The following RASGRF2 variants were observed in gnomAD, a reference collection of about 807,000 sequenced individuals.
The protein encoded by RASGRF2 is Ras protein specific guanine nucleotide releasing factor 2, also known as ras-specific guanine nucleotide-releasing factor 2.
In RASGRF2, 76 loss-of-function variants were observed where a neutral mutation model predicts 151.0. The ratio of observed to expected loss-of-function variants is 0.50; its 90% CI spans 0.42 to 0.61. The LOEUF is 0.61. Ranked by LOEUF, RASGRF2 falls within the 20% of genes least tolerant of loss-of-function variation. The pLI is 0.00. For synonymous variants in RASGRF2, 504 were observed against 566.5 expected (o/e 0.89, Z 1.57); for missense variants, 1,148 against 1,564.6 (o/e 0.73, Z 4.49).
intron 1 of RASGRF2, among the ~76,000 whole-genome samples, chr5:81,003,056 G>A (rs12153143): frequency 0.17 from 26,162 of 151,860 alleles, 2,292 homozygotes; most frequent in South Asian, 0.21. Context: ...ATCACAAAGA[G>A]ACTATTTTTT....
intron 1 of RASGRF2, among the ~76,000 whole-genome samples, chr5:80,986,048 T>G (rs1748463492): frequency 6.6e-6 from 1 of 152,160 alleles, no homozygotes; most frequent in African/African-American, 2.4e-5. Context: ...TTTATTATAG[T>G]AGTTAACAGG....
intron 1 of RASGRF2, among the ~76,000 whole-genome samples, chr5:81,004,059 C>T (rs1749183971): frequency 6.6e-6 from 1 of 152,212 alleles, no homozygotes; most frequent in Admixed American, 6.5e-5. Context: ...CTCTTGAAAG[C>T]AGGGTCCCTG....
At chr5:81,220,466 A>G (rs759452080) in intron 26 of RASGRF2, among the ~76,000 whole-genome samples, 111 of 152,210 alleles carry the variant, frequency 7.3e-4, no homozygotes, top group Non-Finnish European at 1.3e-3. Flanking sequence ...GTTTGACTTA[A>G]TGAGCCCATA....
intron 1 of RASGRF2, among the ~76,000 whole-genome samples, chr5:80,994,365 C>CAAA (rs11411890): frequency 8.7e-5 from 10 of 115,314 alleles, no homozygotes; most frequent in African/African-American, 1.7e-4. Flanking sequence ...CACTCTGTCT[C>CAAA]AAAAAAAAAA....
chr5:81,200,272 T>TAAA (rs559961232), intron 18 of RASGRF2, among the ~76,000 whole-genome samples: 5 of 138,304 alleles, frequency 3.6e-5, no homozygotes, highest in South Asian at 2.3e-4. Context: ...CCCTGTGATT[T>TAAA]AAAAAAAAAA....
At chr5:81,222,133 C>T (rs191530219) in intron 26 of RASGRF2, among the ~76,000 whole-genome samples, 1 of 152,220 alleles carries the variant, frequency 6.6e-6, no homozygotes, top group African/African-American at 2.4e-5. Context: ...GATATGCTTG[C>T]GTTATGGAGG....
chr5:81,112,482 ATC>A, intron 13 of RASGRF2, 126 bp from the exon 14 acceptor site: 1 of 1,238,256 alleles, frequency 8.1e-7, no homozygotes, highest in East Asian at 2.3e-5. Flanking sequence ...CTGTGCAATT[ATC>A]TCTCTCCTAT....
At chr5:81,010,949 A>G (rs1259288136) in intron 1 of RASGRF2, among the ~76,000 whole-genome samples, 2 of 152,186 alleles carry the variant, frequency 1.3e-5, no homozygotes, top group Admixed American at 1.3e-4. Flanking sequence ...TCACATTGCT[A>G]TGTTGCAGCA....
At chr5:81,081,178 G>A (rs1016517223) in intron 7 of RASGRF2, among the ~76,000 whole-genome samples, 1 of 152,174 alleles carries the variant, frequency 6.6e-6, no homozygotes, top group African/African-American at 2.4e-5. Flanking sequence ...TTGCATAAAA[G>A]ATTCTTGGGG....
chr5:81,006,523 T>A (rs149461998), intron 1 of RASGRF2, among the ~76,000 whole-genome samples: 15 of 152,336 alleles, frequency 9.8e-5, no homozygotes, highest in African/African-American at 3.4e-4. Flanking sequence ...TGTCAGAATC[T>A]AATAGTTCCA....
chr5:80,980,590 C>T (rs11743370), intron 1 of RASGRF2, among the ~76,000 whole-genome samples: 41,238 of 151,996 alleles, frequency 0.27, 5,982 homozygotes, highest in Middle Eastern at 0.43. Flanking sequence ...TGCAGTGAAC[C>T]GAGATCGTGC....
At chr5:81,054,012 A>G (rs1751112907) in intron 2 of RASGRF2, among the ~76,000 whole-genome samples, 1 of 152,266 alleles carries the variant, frequency 6.6e-6, no homozygotes, top group South Asian at 2.1e-4. Context: ...TTCTTTGTAG[A>G]TTCTGGATAT....
rs1561544188 is a variant in RASGRF2, at chr5:80,995,695, T to TCCCC, written c.288+34669_288+34670insCCCC. On this transcript the variant is annotated intron_variant, in intron 1 of 26. Coordinates refer to ENST00000265080, the MANE Select transcript of RASGRF2 (RefSeq NM_006909.3). ...TTCTTTCCTTTCCTTCCCCCCCCCT[T>TCCCC]TTTTTTTTTTTTTTTGAGATGGAGT... is the stretch of plus-strand genomic sequence containing the variant. 1.1e-3 allele frequency among the ~76,000 whole-genome samples: 82 copies of TCCCC among 75,116 alleles called. 2 individuals are homozygous for TCCCC. The highest frequency in any genetic ancestry group is 3.3e-3 in the African/African-American group (63 of 19,304). The allele number at this position is 75,116 out of a possible 152,430, so 49.3% of individuals were successfully genotyped here.
At chr5:81,155,702 A>T (rs901809637) in intron 17 of RASGRF2, among the ~76,000 whole-genome samples, 3 of 152,170 alleles carry the variant, frequency 2.0e-5, no homozygotes, top group Non-Finnish European at 2.9e-5. Context: ...AGAAGCACTG[A>T]ACGCTAGGGT....
chr5:80,979,520 G>C (rs1748231895), intron 1 of RASGRF2, among the ~76,000 whole-genome samples: 1 of 152,120 alleles, frequency 6.6e-6, no homozygotes, highest in Non-Finnish European at 1.5e-5. Context: ...CTGAAATTAA[G>C]TTGTGTTTTC....
chr5:81,207,857 G>A (rs17294084), intron 21 of RASGRF2, among the ~76,000 whole-genome samples: 15,597 of 152,204 alleles, frequency 0.1, 981 homozygotes, highest in Admixed American at 0.22. Flanking sequence ...AGAACAAAAC[G>A]CAATCCCTGC....
At chr5:81,111,095 T>C (rs948844763) in intron 13 of RASGRF2, among the ~76,000 whole-genome samples, 2 of 152,190 alleles carry the variant, frequency 1.3e-5, no homozygotes, top group African/African-American at 4.8e-5. Flanking sequence ...AAAATAGATA[T>C]ATAATTTCAA....
chr5:80,973,611 A>G (rs541168827), intron 1 of RASGRF2, among the ~76,000 whole-genome samples: 1 of 152,312 alleles, frequency 6.6e-6, no homozygotes, highest in East Asian at 1.9e-4. Context: ...TGGGGGTGCT[A>G]TGAGGGAAAG....
intron 1 of RASGRF2, among the ~76,000 whole-genome samples, chr5:80,989,898 G>T (rs532308864): frequency 6.6e-6 from 1 of 152,258 alleles, no homozygotes; most frequent in East Asian, 1.9e-4. Context: ...AGGTGAGAGG[G>T]ATGGTGAGCC....
Sources: gnomAD v4.1 joint callset for allele counts (sites outside exome capture counted in the v4.1 genomes callset) on GRCh38, gnomAD v4.1.1 for gene constraint, MANE v1.5 for transcripts, NCBI Gene and HGNC (gene_info 2026-07-23, HGNC 2026-07-21) for gene names.